The following OSBPL1A variants were observed in gnomAD, a reference collection of about 807,000 sequenced individuals.
OSBPL1A encodes oxysterol-binding protein-related protein 1.
In OSBPL1A, 80 loss-of-function variants were observed where a neutral mutation model predicts 137.1. The observed-to-expected ratio is 0.58, with a 90% CI of 0.49 to 0.70. OSBPL1A has a LOEUF of 0.70. OSBPL1A is among the 30% of genes least tolerant of loss of function. The pLI is 0.00. For synonymous variants in OSBPL1A, 365 were observed against 389.7 expected, an observed-to-expected ratio of 0.94 and a Z score of 0.75; for missense variants, 970 against 1,129.4, an observed-to-expected ratio of 0.86 and a Z score of 2.02.
intron 4 of OSBPL1A, among the ~76,000 whole-genome samples, chr18:24,342,096 T>C (rs1030644525): frequency 3.3e-5 from 5 of 152,204 alleles, no homozygotes; most frequent in African/African-American, 1.2e-4. Flanking sequence ...AAATAAAGCA[T>C]TATTTTCTAA....
At chr18:24,172,176 T>C (rs1036457125) in intron 22 of OSBPL1A, among the ~76,000 whole-genome samples, 200 bp downstream of exon 22, 4 of 152,118 alleles carry the variant, frequency 2.6e-5, no homozygotes, top group African/African-American at 9.7e-5. Flanking sequence ...CCTGACCTCG[T>C]GATCCACCCG....
chr18:24,166,748 T>C (rs1392122780), intron 25 of OSBPL1A, 46 bp from the exon 26 acceptor site: 1 of 1,574,572 alleles, frequency 6.4e-7, no homozygotes, highest in Non-Finnish European at 8.6e-7. Context: ...CAAGGCATAA[T>C]GCAAAATGAA....
intron 17 of OSBPL1A, among the ~76,000 whole-genome samples, chr18:24,197,684 C>G (rs559205776): frequency 1.3e-5 from 2 of 151,930 alleles, no homozygotes; most frequent in African/African-American, 4.8e-5. Context: ...ATAATAGATA[C>G]CAGGAATAAG....
chr18:24,259,228 C>T (rs1220516202), intron 15 of OSBPL1A, among the ~76,000 whole-genome samples: 1 of 152,092 alleles, frequency 6.6e-6, no homozygotes, highest in East Asian at 1.9e-4. Context: ...CTTTTTAACT[C>T]CGTATTAAAT....
intron 4 of OSBPL1A, among the ~76,000 whole-genome samples, chr18:24,353,753 T>G (rs1207690131): frequency 6.6e-6 from 1 of 151,760 alleles, no homozygotes; most frequent in Non-Finnish European, 1.5e-5. Flanking sequence ...AAATGATGAG[T>G]TCATGTCCTT....
intron 5 of OSBPL1A, among the ~76,000 whole-genome samples, chr18:24,341,030 C>G (rs1259953): frequency 0.63 from 95,479 of 151,974 alleles, 31,118 homozygotes; most frequent in African/African-American, 0.76. Context: ...GGGTCTCACT[C>G]TGTTGCCTGG....
Position 24,195,905 on chromosome 18 carries a change from TTG to T in OSBPL1A, c.1677+218_1677+219del. 9 of 467,148 alleles carry T rather than the reference TTG, an allele frequency of 1.9e-5. No homozygotes were observed. In the East Asian group the frequency reaches 2.6e-4, roughly 13 times the overall value. The allele number at this position is 467,148 out of a possible 1,614,324, so 28.9% of individuals were successfully genotyped here. A position where few individuals can be genotyped will look rare whatever the true frequency, so the allele number is the denominator to read the frequency against. On this transcript the variant is annotated intron_variant, in intron 18 of 27. Coordinates refer to ENST00000319481, the MANE Select transcript of OSBPL1A (RefSeq NM_080597.4). ...GAAACACGGCATTTTCAGTTTCTGT[TTG>T]TTTTTTTTTTTACATCAAAAATGCA...
chr18:24,175,900 T>TG (rs2086432898), intron 21 of OSBPL1A, among the ~76,000 whole-genome samples: 2 of 152,254 alleles, frequency 1.3e-5, no homozygotes, highest in Admixed American at 1.3e-4. Flanking sequence ...GAAAGGACTA[T>TG]TCTTCTTAGC....
At chr18:24,365,012 C>CAA in intron 4 of OSBPL1A, 1 of 33,558 alleles carries the variant, frequency 3.0e-5, no homozygotes, top group Admixed American at 3.0e-4. Context: ...GACCCTGTCT[C>CAA]AAAAAACAAC....
At chr18:24,387,499 A>G (rs1042769025) in intron 1 of OSBPL1A, among the ~76,000 whole-genome samples, 1 of 152,210 alleles carries the variant, frequency 6.6e-6, no homozygotes, top group Non-Finnish European at 1.5e-5. Flanking sequence ...TTATAATAAA[A>G]TGATCTTTAT....
chr18:24,314,880 C>A (rs1460291426), intron 11 of OSBPL1A, among the ~76,000 whole-genome samples: 1 of 152,094 alleles, frequency 6.6e-6, no homozygotes, highest in East Asian at 1.9e-4. Context: ...AAAAATCAGA[C>A]CTTGGCGATG....
chr18:24,361,544 A>C, intron 4 of OSBPL1A, among the ~76,000 whole-genome samples: 1 of 152,230 alleles, frequency 6.6e-6, no homozygotes, highest in East Asian at 1.9e-4. Context: ...AAGTTCAAGA[A>C]AATAGCAGAA....
chr18:24,303,176 CT>C (rs1198160168), intron 14 of OSBPL1A, among the ~76,000 whole-genome samples: 1 of 152,030 alleles, frequency 6.6e-6, no homozygotes, highest in African/African-American at 2.4e-5. Flanking sequence ...GATTTTTGTA[CT>C]TTTAGTAGAG....
intron 24 of OSBPL1A, among the ~76,000 whole-genome samples, 170 bp downstream of exon 24, chr18:24,170,157 G>A (rs533886398): frequency 3.9e-5 from 6 of 152,226 alleles, no homozygotes; most frequent in South Asian, 4.1e-4. Flanking sequence ...AGGCTATGCC[G>A]AGTACTTGTT....
At chr18:24,200,092 CA>C (rs1242176081) in intron 17 of OSBPL1A, among the ~76,000 whole-genome samples, 1 of 152,132 alleles carries the variant, frequency 6.6e-6, no homozygotes, top group Non-Finnish European at 1.5e-5. Context: ...TAAATACATA[CA>C]AAAAATGATG....
At position 24,167,314 on chromosome 18, in the gene OSBPL1A, C is replaced by A. The variant is rs1168974132; in HGVS notation, c.2535+15G>T. On this transcript the variant is annotated intron_variant, in intron 25 of 27. Transcript: ENST00000319481. ...ACACAGACAGTGAGGCCACAGCCAG[C>A]AAGCCCAGTCTCACCTGGGCAGAAT... is the stretch of plus-strand genomic sequence containing the variant. 3.1e-6 allele frequency: 5 copies of A among 1,605,272 alleles called. No homozygotes were observed. Among genetic ancestry groups the A allele is most frequent in the Non-Finnish European group, 4.3e-6 (5 of 1,171,912 alleles).
At chr18:24,349,170 G>GA (rs1053391409) in intron 4 of OSBPL1A, among the ~76,000 whole-genome samples, 13 of 146,050 alleles carry the variant, frequency 8.9e-5, no homozygotes, top group East Asian at 6.0e-4. Flanking sequence ...CTGTCTCAAA[G>GA]AAAAAAAAAA....
chr18:24,333,523 A>C (rs2091121949), intron 6 of OSBPL1A, among the ~76,000 whole-genome samples: 1 of 152,208 alleles, frequency 6.6e-6, no homozygotes, highest in South Asian at 2.1e-4. Context: ...TTCCCAACTT[A>C]TTGCTTTAGA....
At chr18:24,272,494 T>C (rs1190993360) in intron 15 of OSBPL1A, among the ~76,000 whole-genome samples, 1 of 152,048 alleles carries the variant, frequency 6.6e-6, no homozygotes, top group Non-Finnish European at 1.5e-5. Flanking sequence ...TTAGGTAAAA[T>C]TATTCCAGCC....
Sources: gnomAD v4.1 joint callset for allele counts (sites outside exome capture counted in the v4.1 genomes callset) on GRCh38, gnomAD v4.1.1 for gene constraint, MANE v1.5 for transcripts, NCBI Gene and HGNC (gene_info 2026-07-23, HGNC 2026-07-21) for gene names.